Variants in ABLIM1 observed in about 807,000 individuals in gnomAD.
The protein encoded by ABLIM1 is actin binding LIM protein 1, also known as actin-binding LIM protein 1.
Under a neutral mutation model 107.0 loss-of-function variants are expected in ABLIM1, and 40 were observed. That is an observed-to-expected ratio of 0.37 (90% CI 0.29 to 0.49). The LOEUF (loss-of-function observed/expected upper bound fraction) is 0.49, where lower values mean the gene tolerates loss of function less well. Ranked by LOEUF, ABLIM1 falls within the 20% of genes least tolerant of loss-of-function variation. The pLI, the probability that ABLIM1 is intolerant of heterozygous loss-of-function variation, is 0.97. For synonymous variants in ABLIM1, 357 were observed against 357.3 expected (o/e 1.00, Z 0.01); for missense variants, 857 against 1,008.5 (o/e 0.85, Z 2.04).
chr10:114,557,255 T>C (rs1364553515), intron 4 of ABLIM1, among the ~76,000 whole-genome samples: 3 of 152,194 alleles, frequency 2.0e-5, no homozygotes, highest in Non-Finnish European at 4.4e-5. Context: ...CACCTTGCTG[T>C]CTTAATGGCC....
intron 2 of ABLIM1, among the ~76,000 whole-genome samples, chr10:114,586,032 C>T (rs1326475107): frequency 6.6e-6 from 1 of 152,092 alleles, no homozygotes; most frequent in Non-Finnish European, 1.5e-5. Flanking sequence ...GTGTCTGGAC[C>T]CTGTGTCCAG....
At chr10:114,459,472 G>A (rs141309207) in intron 12 of ABLIM1, among the ~76,000 whole-genome samples, 15 of 152,252 alleles carry the variant, frequency 9.9e-5, no homozygotes, top group Middle Eastern at 3.4e-3. Flanking sequence ...TAACTAAGAC[G>A]TAATTCCTTG....
upstream of ABLIM1, among the ~76,000 whole-genome samples, chr10:114,771,435 T>A (rs34105246): frequency 0.43 from 64,750 of 151,996 alleles, 14,683 homozygotes; most frequent in Non-Finnish European, 0.51. Flanking sequence ...TAAAAAGAGG[T>A]TTCCCTATGT....
At chr10:114,454,206 A>T (rs957781877) in intron 12 of ABLIM1, among the ~76,000 whole-genome samples, 1 of 152,196 alleles carries the variant, frequency 6.6e-6, no homozygotes, top group South Asian at 2.1e-4. Flanking sequence ...GGCACTGAGT[A>T]CTACTGAGGA....
exon 1 of ABLIM1, chr10:114,684,666 C>T: frequency 8.9e-7 from 1 of 1,128,002 alleles, no homozygotes; most frequent in Non-Finnish European, 1.1e-6. Flanking sequence ...GCCACACCCA[C>T]TGAAAACACT....
chr10:114,686,962 C>T (rs1175843304), upstream of ABLIM1, among the ~76,000 whole-genome samples: 1 of 152,144 alleles, frequency 6.6e-6, no homozygotes, highest in African/African-American at 2.4e-5. Flanking sequence ...AGCAATGGAG[C>T]TTATACCATG....
intron 1 of ABLIM1, among the ~76,000 whole-genome samples, chr10:114,604,435 T>A (rs907218275): frequency 6.6e-6 from 1 of 152,212 alleles, no homozygotes; most frequent in Non-Finnish European, 1.5e-5. Flanking sequence ...CACGTAGCAA[T>A]AAGGTTTTTG....
chr10:114,629,573 C>G lies in ABLIM1; in HGVS notation c.245-27612G>C, dbSNP rs558636754. Among the ~76,000 whole-genome samples, 209 of 152,276 alleles carry G rather than the reference C, an allele frequency of 1.4e-3. No individual in the cohort carries two copies. Among genetic ancestry groups the G allele is most frequent in the African/African-American group, 5.0e-3 (206 of 41,548 alleles). Reference sequence around the variant, plus strand: ...CACAGTGCCACTTCTGAAAGGCTCACCATCTTGTGACAGAGATAGCAGCTG... The same window carrying G: ...CACAGTGCCACTTCTGAAAGGCTCAGCATCTTGTGACAGAGATAGCAGCTG... On this transcript the variant is annotated intron_variant, in intron 1 of 22. Transcript: ENST00000533213. The surrounding 1 kb of genome is among the most constrained non-coding windows in gnomAD (Gnocchi z 4.0).
intron 6 of ABLIM1, among the ~76,000 whole-genome samples, chr10:114,518,573 G>A (rs1386175590): frequency 1.3e-5 from 2 of 151,854 alleles, no homozygotes; most frequent in African/African-American, 4.8e-5. Flanking sequence ...AAGATTGGCA[G>A]CCCATAGGTG....
chr10:114,733,413 T>C (rs909816281), intron 1 of ABLIM1, among the ~76,000 whole-genome samples: 5 of 152,230 alleles, frequency 3.3e-5, no homozygotes, highest in African/African-American at 1.2e-4. Flanking sequence ...GCTACTGTAA[T>C]GCTGTACCCC....
intron 1 of ABLIM1, among the ~76,000 whole-genome samples, chr10:114,717,438 T>A (rs923686026): frequency 2.0e-5 from 3 of 152,158 alleles, no homozygotes; most frequent in African/African-American, 7.2e-5. Flanking sequence ...CTGGATAATA[T>A]CTTGTTTTGG....
chr10:114,668,000 G>A (rs1413705622), intron 1 of ABLIM1, among the ~76,000 whole-genome samples: 1 of 152,010 alleles, frequency 6.6e-6, no homozygotes, highest in Non-Finnish European at 1.5e-5. Context: ...GCATGCCAGT[G>A]TTGACACCAT....
chr10:114,584,089 C>G (rs575302146), intron 2 of ABLIM1, among the ~76,000 whole-genome samples: 68 of 151,694 alleles, frequency 4.5e-4, no homozygotes, highest in Admixed American at 4.4e-3. Context: ...ATGTAGCAAA[C>G]CTGCACATGT....
At chr10:114,483,866 G>T (rs928497733) in intron 8 of ABLIM1, among the ~76,000 whole-genome samples, 2 of 152,198 alleles carry the variant, frequency 1.3e-5, no homozygotes, top group Non-Finnish European at 2.9e-5. Flanking sequence ...GTCGCTTCTA[G>T]TTTAACAGGC....
chr10:114,498,841 A>C (rs540171118), intron 6 of ABLIM1, among the ~76,000 whole-genome samples: 3 of 152,360 alleles, frequency 2.0e-5, no homozygotes, highest in Admixed American at 6.5e-5. Context: ...CTGTTTGAAA[A>C]AATGGCCACA....
chr10:114,575,656 G>T, intron 2 of ABLIM1, 57 bp from the exon 3 acceptor site: 2 of 1,543,214 alleles, frequency 1.3e-6, no homozygotes, highest in South Asian at 2.4e-5. Context: ...GGGCAGCACT[G>T]CCTTTGAGTG....
chr10:114,506,153 A>G (rs903011935), intron 6 of ABLIM1, among the ~76,000 whole-genome samples: 1 of 152,218 alleles, frequency 6.6e-6, no homozygotes, highest in Non-Finnish European at 1.5e-5. Flanking sequence ...CTAGGATAAC[A>G]GCCTCCAGCA....
At chr10:114,750,357 C>T (rs1177993320) in intron 1 of ABLIM1, among the ~76,000 whole-genome samples, 1 of 152,220 alleles carries the variant, frequency 6.6e-6, no homozygotes, top group East Asian at 1.9e-4. Context: ...AATTTAAACA[C>T]TTTCCATAAT....
the ABLIM1 span, among the ~76,000 whole-genome samples, chr10:114,793,325 G>A: frequency 0.018 from 2,768 of 151,940 alleles, 83 homozygotes; most frequent in African/African-American, 0.064. Context: ...CTGAAAGTGC[G>A]TGGCACCTTC....
Sources: gnomAD v4.1 joint callset for allele counts (sites outside exome capture counted in the v4.1 genomes callset) on GRCh38, gnomAD v4.1.1 for gene constraint, Gnocchi (gnomAD v3.1) non-coding constraint, MANE v1.5 for transcripts, NCBI Gene and HGNC (gene_info 2026-07-23, HGNC 2026-07-21) for gene names.